PRKRIP1: variants seen among roughly 807,000 people sequenced by gnomAD.
The protein encoded by PRKRIP1 is PRKR interacting protein 1.
In PRKRIP1, 29 loss-of-function variants were observed where a neutral mutation model predicts 29.3. That is an observed-to-expected ratio of 0.99 (90% CI 0.74 to 1.35). The LOEUF is 1.35. PRKRIP1 is among the 40% of genes most tolerant of loss of function. PRKRIP1 has a pLI of 0.00. For synonymous variants in PRKRIP1, 90 were observed against 85.1 expected, an observed-to-expected ratio of 1.06 and a Z score of -0.32; for missense variants, 247 against 236.8, an observed-to-expected ratio of 1.04 and a Z score of -0.28.
rs1484913189 is a variant in PRKRIP1 at position 102,425,663 on chromosome 7, G to A, written c.*552G>A. On this transcript the variant is annotated 3_prime_UTR_variant, in exon 6 of 6. Coordinates refer to ENST00000397912, the MANE Select transcript of PRKRIP1 (RefSeq NM_024653.4). ...AGGGTCTGCTCCCACTGCAGCTCCC[G>A]GTGCTCTCGTGTTCTGGGAAGGCCT... 1.5e-5 allele frequency: 3 copies of A among 198,572 alleles called. No individual in the cohort carries two copies. Among genetic ancestry groups the A allele is most frequent in the African/African-American group, 2.4e-5 (1 of 41,674 alleles). 12.3% of individuals were successfully genotyped at this position (198,572 alleles called of 1,614,324 possible). A position where few individuals can be genotyped will look rare whatever the true frequency, so the allele number is the denominator to read the frequency against.
intron 5 of PRKRIP1, among the ~76,000 whole-genome samples, chr7:102,420,163 GGCATGA>G (rs1554573601): frequency 6.6e-6 from 1 of 152,158 alleles, no homozygotes; most frequent in Non-Finnish European, 1.5e-5. Context: ...TGGGATTACA[GGCATGA>G]GCCACCGTGC....
chr7:102,399,703 T>C, intron 3 of PRKRIP1, 55 bp downstream of exon 3: 2 of 1,410,574 alleles, frequency 1.4e-6, no homozygotes, highest in Non-Finnish European at 2.0e-6. Context: ...GTGCGTGTAC[T>C]TTCTTTAGAA....
chr7:102,406,128 G>A (rs373943484), intron 4 of PRKRIP1, among the ~76,000 whole-genome samples: 4 of 152,282 alleles, frequency 2.6e-5, no homozygotes, highest in African/African-American at 9.6e-5. Context: ...GGCCCCTTCT[G>A]TTGATCAGTG....
intron 2 of PRKRIP1, among the ~76,000 whole-genome samples, chr7:102,398,169 TTTTA>T (rs1321399271): frequency 6.6e-6 from 1 of 152,218 alleles, no homozygotes; most frequent in African/African-American, 2.4e-5. Context: ...ATATAGTTGC[TTTTA>T]TTTGTTTTTC....
intron 2 of PRKRIP1, among the ~76,000 whole-genome samples, chr7:102,399,071 G>A (rs541104958): frequency 6.6e-6 from 1 of 152,206 alleles, no homozygotes; most frequent in South Asian, 2.1e-4. Context: ...CCAATGAGCT[G>A]TGATTGCGCC....
rs544677604 is a variant in PRKRIP1, at chr7:102,410,149, G to A, written c.457+2651G>A. On this transcript the variant is annotated intron_variant, in intron 5 of 5. Coordinates refer to ENST00000397912, the MANE Select transcript of PRKRIP1 (RefSeq NM_024653.4). ...GGCAGGCAGTCTGCAATTTGCTGTA[G>A]CCTTTACTTCCTGCTTGCACAGAGC... Among the ~76,000 whole-genome samples, 53 of 152,224 alleles carry A rather than the reference G, an allele frequency of 3.5e-4. 1 individual carries two copies. The South Asian group carries it at 0.011, about 31-fold the overall frequency.
At chr7:102,399,896 G>A (rs1189611122) in intron 3 of PRKRIP1, among the ~76,000 whole-genome samples, 2 of 151,800 alleles carry the variant, frequency 1.3e-5, no homozygotes, top group African/African-American at 2.4e-5. Flanking sequence ...AGCTACTCAG[G>A]AGGCTGAGGC....
At chr7:102,402,669 T>C (rs1381954563) in intron 3 of PRKRIP1, among the ~76,000 whole-genome samples, 2 of 152,098 alleles carry the variant, frequency 1.3e-5, no homozygotes, top group Middle Eastern at 3.2e-3. Context: ...AAGATTCTTA[T>C]TTTGGATGGC....
In PRKRIP1 at chr7:102,420,269, G is replaced by T. The variant is rs557193100; in HGVS notation, c.458-4745G>T. On this transcript the variant is annotated intron_variant, in intron 5 of 5. Transcript: ENST00000397912. Reference sequence around the variant, plus strand: ...ACATGATTGCTGGGTTGTATGATAGGATTAATCTTGTTAACTTTGTAAGAA... The same window carrying T: ...ACATGATTGCTGGGTTGTATGATAGTATTAATCTTGTTAACTTTGTAAGAA... 9.2e-5 allele frequency among the ~76,000 whole-genome samples: 14 copies of T among 152,264 alleles called. No individual in the cohort carries two copies. The East Asian group carries it at 2.7e-3, about 29-fold the overall frequency.
intron 1 of PRKRIP1, 60 bp from the exon 2 acceptor site, chr7:102,397,560 G>A (rs1795943870): frequency 1.6e-5 from 21 of 1,328,974 alleles, no homozygotes; most frequent in Non-Finnish European, 1.9e-5. Context: ...AAAAGAGAGG[G>A]AGATATATAA....
intron 5 of PRKRIP1, among the ~76,000 whole-genome samples, chr7:102,418,163 C>T (rs192718692): frequency 2.3e-4 from 35 of 152,058 alleles, no homozygotes; most frequent in African/African-American, 8.4e-4. Context: ...AATTCTCCTG[C>T]CTCAGCCTCC....
At position 102,426,243 on chromosome 7, in the gene PRKRIP1, A is replaced by G. The variant is rs1216789615; in HGVS notation, c.*1132A>G. On this transcript the variant is annotated 3_prime_UTR_variant, in exon 6 of 6. Transcript: ENST00000397912. The stretch of plus-strand genomic sequence containing the variant: ...AATAGAGCGAGACCCTGTCTCTTAA[A>G]AAACGATGATGATGAACACAGAGGA... 5.9e-5 allele frequency: 9 copies of G among 152,402 alleles called. No individual in the cohort carries two copies. Among genetic ancestry groups the G allele is most frequent in the African/African-American group, 2.2e-4 (9 of 41,478 alleles). 9.4% of individuals were successfully genotyped at this position (152,402 alleles called of 1,614,324 possible).
intron 5 of PRKRIP1, among the ~76,000 whole-genome samples, chr7:102,410,770 A>AG (rs1796361778): frequency 6.6e-6 from 1 of 152,108 alleles, no homozygotes; most frequent in African/African-American, 2.4e-5. Flanking sequence ...TTACTCTTCC[A>AG]TTCATCCCTT....
chr7:102,419,880 TGTGTGTGTGTGTGTG>T, intron 5 of PRKRIP1, among the ~76,000 whole-genome samples: 1 of 148,252 alleles, frequency 6.7e-6, no homozygotes, highest in Non-Finnish European at 1.5e-5. Context: ...TGTGTGTGTG[TGTGTGTGTGTGTGTG>T]TTTTTGAGAT....
At chr7:102,405,606 T>C (rs782075663) in intron 4 of PRKRIP1, 71 of 153,700 alleles carry the variant, frequency 4.6e-4, no homozygotes, top group Non-Finnish European at 7.7e-4. Flanking sequence ...ACAATAATAA[T>C]AAAAAAAATT....
rs939339106 is a variant in PRKRIP1 at position 102,396,600 on chromosome 7, A to G, written c.126+63A>G. On this transcript the variant is annotated intron_variant, in intron 1 of 5. Coordinates refer to ENST00000397912, the MANE Select transcript of PRKRIP1 (RefSeq NM_024653.4). ...CCACCCCCTTCCTCTGCAGCGCTTC[A>G]GGGTTCCCGCAGGTCCACCTTCCCC... is the stretch of plus-strand genomic sequence containing the variant. 27 of 1,545,660 alleles carry G rather than the reference A, an allele frequency of 1.7e-5. No homozygotes were observed. The African/African-American group carries it at 3.4e-4, about 19-fold the overall frequency.
intron 3 of PRKRIP1, among the ~76,000 whole-genome samples, chr7:102,403,952 G>T (rs782526141): frequency 1.3e-5 from 2 of 152,096 alleles, no homozygotes; most frequent in Non-Finnish European, 2.9e-5. Flanking sequence ...ATCCTTTCAG[G>T]CCAGGAATTT....
Position 102,425,105 on chromosome 7 carries a change from G to A in PRKRIP1, c.549G>A (p.Gly183=). The change falls in exon 6 of 6, where the codon GGG becomes GGA. Residue 183 remains glycine (G), a synonymous_variant. Coordinates refer to ENST00000397912, the MANE Select transcript of PRKRIP1 (RefSeq NM_024653.4). ...AGGAAGTGCCCAGTTTCACCATGGG[G>A]CGATGACAATGTTTGCCACAGCCTC... ...EEEEVPSFTM[G]R The A allele has an allele frequency of 3.1e-6, 5 of 1,611,946 alleles. No individual in the cohort carries two copies. Among genetic ancestry groups the A allele is most frequent in the Non-Finnish European group, 4.2e-6 (5 of 1,179,810 alleles).
At chr7:102,419,637 C>T (rs1394437233) in intron 5 of PRKRIP1, among the ~76,000 whole-genome samples, 5 of 152,038 alleles carry the variant, frequency 3.3e-5, no homozygotes, top group African/African-American at 7.2e-5. Flanking sequence ...GTCATAGAGT[C>T]GGAATTAAAT....
Sources: allele counts gnomAD v4.1 joint callset (sites outside exome capture counted in the v4.1 genomes callset), GRCh38; gene constraint gnomAD v4.1.1; transcripts MANE v1.5; gene names NCBI Gene and HGNC (gene_info 2026-07-23, HGNC 2026-07-21).